The following PPP6C variants were observed in gnomAD, a reference collection of about 807,000 sequenced individuals.
PPP6C encodes the protein serine/threonine-protein phosphatase 6 catalytic subunit.
Under a neutral mutation model 39.8 loss-of-function variants are expected in PPP6C, and 11 were observed. The ratio of observed to expected loss-of-function variants is 0.28; its 90% confidence interval spans 0.17 to 0.46. PPP6C has a LOEUF of 0.46. PPP6C is among the 20% of genes least tolerant of loss of function. The pLI, the probability that PPP6C is intolerant of heterozygous loss-of-function variation, is 1.00. For missense variants in PPP6C, 211 were observed against 373.9 expected (o/e 0.56, Z 3.59); for synonymous variants, 129 against 130.3 (o/e 0.99, Z 0.07).
intron 1 of PPP6C, among the ~76,000 whole-genome samples, chr9:125,175,920 A>G (rs1405179587): frequency 6.6e-6 from 1 of 152,222 alleles, no homozygotes; most frequent in Admixed American, 6.5e-5. Flanking sequence ...AATGAGACAG[A>G]CAATAAATAA....
rs1247018441 is a variant in PPP6C, at chr9:125,171,472, CACACACATATAT to C, written c.76-304_76-293del. Among the ~76,000 whole-genome samples the C allele has an allele frequency of 3.5e-3, 113 of 32,404 alleles. 1 individual carries two copies. Among genetic ancestry groups the C allele is most frequent in the African/African-American group, 0.013 (107 of 8,214 alleles). The allele number at this position is 32,404 out of a possible 152,430, so 21.3% of individuals were successfully genotyped here. On this transcript the variant is annotated intron_variant, in intron 1 of 6. Transcript: ENST00000373547. Reference sequence around the variant, plus strand: ...ACACACACACATATACACACACACACACACACATATATATATATATATATATATATATATATA... The same window carrying C: ...ACACACACACATATACACACACACACATATATATATATATATATATATATA...
chr9:125,180,227 G>C (rs145267832), intron 1 of PPP6C, among the ~76,000 whole-genome samples: 47 of 152,234 alleles, frequency 3.1e-4, no homozygotes, highest in Middle Eastern at 3.4e-3. Context: ...AATCCAGTTA[G>C]TCCTTGTGGA....
At chr9:125,160,167 A>G (rs957050069) in intron 3 of PPP6C, among the ~76,000 whole-genome samples, 10 of 152,258 alleles carry the variant, frequency 6.6e-5, no homozygotes, top group Non-Finnish European at 5.9e-5. Flanking sequence ...TAATCCATCC[A>G]TAGATTAACG....
rs548531035 is a variant in PPP6C at position 125,154,800 on chromosome 9, G to A, written c.380-815C>T. Reference sequence around the variant, plus strand: ...TTCTGAGATTTTCTGCAAATCGTGCGACTAAACACTTGAGCTTCAGTGGAT... The same window carrying A: ...TTCTGAGATTTTCTGCAAATCGTGCAACTAAACACTTGAGCTTCAGTGGAT... On this transcript the variant is annotated intron_variant, in intron 4 of 6. Transcript: ENST00000373547. Among the ~76,000 whole-genome samples the A allele has an allele frequency of 4.6e-5, 7 of 152,284 alleles. No individual in the cohort carries two copies. In the South Asian group the frequency reaches 1.2e-3, roughly 27 times the overall value.
intron 1 of PPP6C, among the ~76,000 whole-genome samples, chr9:125,176,909 C>A (rs898966507): frequency 3.3e-5 from 5 of 152,070 alleles, no homozygotes; most frequent in African/African-American, 1.2e-4. Flanking sequence ...AGTAAAGAAT[C>A]AAGGATGACG....
At chr9:125,153,868 G>T in intron 5 of PPP6C, 38 bp downstream of exon 5, 1 of 1,547,442 alleles carries the variant, frequency 6.5e-7, no homozygotes, top group Non-Finnish European at 8.9e-7. Context: ...TGTGTTATTG[G>T]CAGGAACGTA....
Position 125,158,229 on chromosome 9 carries a change from A to G in PPP6C, c.379+12T>C. The G allele has an allele frequency of 6.3e-7, 1 of 1,588,284 alleles. No homozygotes were observed. Among genetic ancestry groups the G allele is most frequent in the South Asian group, 1.1e-5 (1 of 88,634 alleles). The stretch of plus-strand genomic sequence containing the variant: ...AAATAATATTCAGAATCAGAGAAAT[A>G]GGAATTCTTACCATAAAATCCATAG... On this transcript the variant is annotated intron_variant, in intron 4 of 6. Transcript: ENST00000373547.
chr9:125,177,797 T>C (rs1376562795), intron 1 of PPP6C, among the ~76,000 whole-genome samples: 1 of 152,202 alleles, frequency 6.6e-6, no homozygotes, highest in Non-Finnish European at 1.5e-5. Context: ...CAGAATAGTT[T>C]CACCTATTCA....
At chr9:125,151,591 ATACAG>A (rs936349351) in intron 6 of PPP6C, 4 of 764,724 alleles carry the variant, frequency 5.2e-6, no homozygotes, top group Non-Finnish European at 9.4e-6. Context: ...TCCCTTTATA[ATACAG>A]TAACTTCTGA....
intron 1 of PPP6C, among the ~76,000 whole-genome samples, chr9:125,173,864 C>T (rs1829236150): frequency 6.6e-6 from 1 of 152,154 alleles, no homozygotes; most frequent in African/African-American, 2.4e-5. Context: ...GATCCACCCG[C>T]CTCGGCCTCC....
At chr9:125,182,509 T>C (rs547059763) in intron 1 of PPP6C, among the ~76,000 whole-genome samples, 7 of 152,048 alleles carry the variant, frequency 4.6e-5, no homozygotes, top group Admixed American at 3.9e-4. Context: ...TAAATAAATA[T>C]CTAGCTAACA....
chr9:125,155,478 T>C (rs1836045954), intron 4 of PPP6C, among the ~76,000 whole-genome samples: 1 of 152,222 alleles, frequency 6.6e-6, no homozygotes. Flanking sequence ...ATCTTGAACT[T>C]GGCTCAATAG....
chr9:125,173,891 C>G (rs1427556940), intron 1 of PPP6C, among the ~76,000 whole-genome samples: 2 of 152,158 alleles, frequency 1.3e-5, no homozygotes, highest in Non-Finnish European at 2.9e-5. Flanking sequence ...GCTGGGATTA[C>G]AGGCGTGAGC....
chr9:125,150,929 T>G (rs1484215450), intron 6 of PPP6C: 1 of 1,072,818 alleles, frequency 9.3e-7, no homozygotes, highest in Non-Finnish European at 1.5e-6. Flanking sequence ...GCTTCCCTTA[T>G]GCCCAGCAGG....
intron 2 of PPP6C, among the ~76,000 whole-genome samples, chr9:125,161,902 G>A (rs1374418253): frequency 3.3e-5 from 5 of 152,118 alleles, no homozygotes; most frequent in East Asian, 1.9e-4. Flanking sequence ...ACAATACATT[G>A]GACCAATTAC....
intron 6 of PPP6C, chr9:125,150,712 G>A (rs529711802): frequency 2.4e-5 from 20 of 834,910 alleles, no homozygotes; most frequent in South Asian, 1.3e-4. Flanking sequence ...ACTGCCGATC[G>A]CCTGGGCCTG....
At chr9:125,161,010 A>G in intron 2 of PPP6C, 104 bp from the exon 3 acceptor site, 3 of 651,632 alleles carry the variant, frequency 4.6e-6, no homozygotes, top group Non-Finnish European at 7.3e-6. Flanking sequence ...AGGACTCCAA[A>G]TATTTACATT....
At chr9:125,179,716 C>T (rs1046632899) in intron 1 of PPP6C, among the ~76,000 whole-genome samples, 5 of 147,610 alleles carry the variant, frequency 3.4e-5, no homozygotes, top group African/African-American at 5.0e-5. Flanking sequence ...AGTGCAATGG[C>T]GTGATATTGG....
intron 6 of PPP6C, chr9:125,150,617 T>C (rs1216631582): frequency 2.2e-6 from 2 of 901,380 alleles, no homozygotes; most frequent in East Asian, 4.7e-5. Context: ...AGTGATCACT[T>C]AGTGAAGAGT....
Sources: allele counts gnomAD v4.1 joint callset (sites outside exome capture counted in the v4.1 genomes callset), GRCh38; gene constraint gnomAD v4.1.1; transcripts MANE v1.5; gene names NCBI Gene and HGNC (gene_info 2026-07-23, HGNC 2026-07-21).